Variants in MAML3 observed in about 807,000 individuals in gnomAD.
MAML3 encodes the protein mastermind like transcriptional coactivator 3.
Under a neutral mutation model 101.9 loss-of-function variants are expected in MAML3, and 27 were observed. The observed-to-expected ratio is 0.27, with a 90% CI of 0.20 to 0.37. The LOEUF (loss-of-function observed/expected upper bound fraction) is 0.37, where lower values mean the gene tolerates loss of function less well. Ranked by LOEUF, MAML3 falls within the 10% of genes least tolerant of loss-of-function variation. The probability of loss-of-function intolerance (pLI) is 1.00; values close to 1 mark genes in which losing one functional copy is unlikely to be tolerated. For synonymous variants in MAML3, 501 were observed against 555.9 expected (o/e 0.90, Z 1.39); for missense variants, 1,316 against 1,444.9 (o/e 0.91, Z 1.45).
intron 2 of MAML3, among the ~76,000 whole-genome samples, chr4:139,844,869 C>T (rs999526482): frequency 6.6e-6 from 1 of 152,234 alleles, no homozygotes; most frequent in African/African-American, 2.4e-5. Flanking sequence ...GAGAGCTGAA[C>T]AAAAGCCTGC....
In MAML3 at chr4:139,857,956, G is replaced by A. The variant is rs1277889196; in HGVS notation, c.2079+31401C>T. 2.0e-5 allele frequency among the ~76,000 whole-genome samples: 3 copies of A among 152,078 alleles called. No homozygotes were observed. The East Asian group carries it at 5.8e-4, about 29-fold the overall frequency. On this transcript the variant is annotated intron_variant, in intron 2 of 4. Coordinates refer to ENST00000509479, the MANE Select transcript of MAML3 (RefSeq NM_018717.5). ...ATTCAATGGACATATGCCACCTAGC[G>A]TGGTCTGACGAGTGCAGTCACAGTG...
intron 1 of MAML3, among the ~76,000 whole-genome samples, chr4:140,062,376 A>G (rs1727461154): frequency 6.6e-6 from 1 of 152,110 alleles, no homozygotes; most frequent in Non-Finnish European, 1.5e-5. Flanking sequence ...CAGAACTGCA[A>G]ATACTGTACT....
At chr4:140,075,212 C>T (rs1210255470) in intron 1 of MAML3, among the ~76,000 whole-genome samples, 2 of 152,154 alleles carry the variant, frequency 1.3e-5, no homozygotes, top group African/African-American at 4.8e-5. Context: ...AGCTATTTGG[C>T]CAAGGTCACA....
chr4:140,095,498 T>C (rs1179724501), intron 1 of MAML3, among the ~76,000 whole-genome samples: 3 of 152,124 alleles, frequency 2.0e-5, no homozygotes, highest in Non-Finnish European at 4.4e-5. Context: ...CTCTGCAAGC[T>C]TTCTAAATTT....
In MAML3 at chr4:139,953,207, G is replaced by A. The variant is rs570612020; in HGVS notation, c.469-62240C>T. ...ACGCTAGAAAATAGTAACAGTGGGTGCCTTTGGGGAAGGAAACTAGGAGAC... is the reference window on the plus strand; with the variant it reads ...ACGCTAGAAAATAGTAACAGTGGGTACCTTTGGGGAAGGAAACTAGGAGAC... On this transcript the variant is annotated intron_variant, in intron 1 of 4. Transcript: ENST00000509479. Among the ~76,000 whole-genome samples, 3 of 152,272 alleles carry A rather than the reference G, an allele frequency of 2.0e-5. No homozygotes were observed. In the East Asian group the frequency reaches 5.8e-4, roughly 29 times the overall value.
intron 1 of MAML3, among the ~76,000 whole-genome samples, chr4:140,026,364 C>T (rs1425880053): frequency 6.6e-6 from 1 of 152,186 alleles, no homozygotes; most frequent in African/African-American, 2.4e-5. Context: ...AAGCGATTCT[C>T]ATGCTTCAGC....
intron 2 of MAML3, among the ~76,000 whole-genome samples, chr4:139,855,475 G>C (rs1731640826): frequency 6.6e-6 from 1 of 152,182 alleles, no homozygotes; most frequent in African/African-American, 2.4e-5. Flanking sequence ...TTCAACACAT[G>C]TATTAGATTT....
At chr4:140,101,287 C>T (rs924698508) in intron 1 of MAML3, among the ~76,000 whole-genome samples, 1 of 152,160 alleles carries the variant, frequency 6.6e-6, no homozygotes, top group Non-Finnish European at 1.5e-5. Flanking sequence ...CAGCGTCCTA[C>T]CCTACCTAAT....
At chr4:139,978,611 C>CAAAA (rs71584346) in intron 1 of MAML3, among the ~76,000 whole-genome samples, 9 of 122,272 alleles carry the variant, frequency 7.4e-5, no homozygotes, top group African/African-American at 1.7e-4. Context: ...TCAACCACAT[C>CAAAA]AAAAAAAAAG....
At chr4:140,118,792 A>G (rs1216431041) in intron 1 of MAML3, among the ~76,000 whole-genome samples, 1 of 152,170 alleles carries the variant, frequency 6.6e-6, no homozygotes, top group Non-Finnish European at 1.5e-5. Flanking sequence ...AGAGCCTAAC[A>G]TTCTCTCCGA....
At position 140,152,922 on chromosome 4, in the gene MAML3, T is replaced by A; in HGVS notation, c.406A>T (p.Ser136Cys). ...GCCTCCGCATCTTGCTGGGGTTTGC[T>A]CGGGTGCTGCTGTTTGCCGGTGCCG... ...GAGTGKQQHP[S>C]KPQQDAEAAS... Residue 136 changes from serine (S) to cysteine (C), a missense_variant, in exon 1 of 5, where the codon AGC becomes TGC. Coordinates refer to ENST00000509479, the MANE Select transcript of MAML3 (RefSeq NM_018717.5). 1.2e-6 allele frequency: 2 copies of A among 1,612,716 alleles called. No individual in the cohort carries two copies.
intron 2 of MAML3, among the ~76,000 whole-genome samples, chr4:139,836,803 C>G (rs1201502585): frequency 6.6e-6 from 1 of 152,116 alleles, no homozygotes; most frequent in Non-Finnish European, 1.5e-5. Context: ...GTATGAGAAA[C>G]TTTCAGATCT....
intron 1 of MAML3, among the ~76,000 whole-genome samples, chr4:140,107,303 T>C (rs1243752461): frequency 6.6e-6 from 1 of 152,200 alleles, no homozygotes; most frequent in East Asian, 1.9e-4. Context: ...TGGTCAGCGG[T>C]TAACACAGAG....
chr4:140,093,591 T>A (rs1811751), intron 1 of MAML3, among the ~76,000 whole-genome samples: 142,441 of 151,452 alleles, frequency 0.94, 67,563 homozygotes, highest in East Asian at 1. Context: ...TAATTTTTTT[T>A]AATTTTTTTT....
At chr4:139,767,395 C>T (rs1388914234) in intron 2 of MAML3, among the ~76,000 whole-genome samples, 1 of 152,202 alleles carries the variant, frequency 6.6e-6, no homozygotes, top group Non-Finnish European at 1.5e-5. Flanking sequence ...GTCTTAAAAG[C>T]TATTTATAGT....
intron 1 of MAML3, among the ~76,000 whole-genome samples, chr4:140,061,604 T>C (rs1727449116): frequency 6.6e-6 from 1 of 152,182 alleles, no homozygotes; most frequent in African/African-American, 2.4e-5. Flanking sequence ...CCTTGGCCAG[T>C]AAAAATTTGT....
intron 1 of MAML3, among the ~76,000 whole-genome samples, chr4:140,138,221 T>G (rs1728927973): frequency 6.6e-6 from 1 of 152,186 alleles, no homozygotes; most frequent in Non-Finnish European, 1.5e-5. Context: ...CCAGAAGTAT[T>G]TCTGAGTGTG....
chr4:139,724,140 C>T (rs113776643), intron 4 of MAML3, among the ~76,000 whole-genome samples: 4 of 152,336 alleles, frequency 2.6e-5, no homozygotes, highest in African/African-American at 7.2e-5. Flanking sequence ...TCCTTTTGTC[C>T]TTCCCTGTGT....
intron 1 of MAML3, among the ~76,000 whole-genome samples, chr4:140,130,116 C>T (rs185060399): frequency 4.6e-5 from 7 of 152,262 alleles, no homozygotes; most frequent in African/African-American, 1.7e-4. Flanking sequence ...AGAAAGTTAA[C>T]TTGGGAAAAA....
Sources: allele counts gnomAD v4.1 joint callset (sites outside exome capture counted in the v4.1 genomes callset), GRCh38; gene constraint gnomAD v4.1.1; transcripts MANE v1.5; gene names NCBI Gene and HGNC (gene_info 2026-07-23, HGNC 2026-07-21).